CNTN5: variants seen among roughly 807,000 people sequenced by gnomAD.
CNTN5 encodes contactin 5.
In CNTN5, 77 loss-of-function variants were observed where a neutral mutation model predicts 129.1. The observed-to-expected ratio is 0.60, with a 90% CI of 0.50 to 0.72. The LOEUF is 0.72. Ranked by LOEUF, CNTN5 falls within the 30% of genes least tolerant of loss-of-function variation. The pLI is 0.00. For missense variants in CNTN5, 1,478 were observed against 1,328.8 expected, an observed-to-expected ratio of 1.11 and a Z score of -1.75; for synonymous variants, 509 against 465.6, an observed-to-expected ratio of 1.09 and a Z score of -1.20.
rs11284734 is a variant in CNTN5, at chr11:99,608,100, T to TAA, written c.55+51845_55+51846dup. On this transcript the variant is annotated intron_variant, in intron 3 of 24. Coordinates refer to ENST00000524871, the MANE Select transcript of CNTN5 (RefSeq NM_014361.4). Reference sequence around the variant, plus strand: ...ATGTACCCTAAAACTTAGAGTATAATAAAAAAAAAAAAAAATCACAGTGTT... The same window carrying TAA: ...ATGTACCCTAAAACTTAGAGTATAATAAAAAAAAAAAAAAAAATCACAGTGTT... 2.8e-3 allele frequency among the ~76,000 whole-genome samples: 407 copies of TAA among 147,562 alleles called. 3 individuals are homozygous for TAA. Among genetic ancestry groups the TAA allele is most frequent in the African/African-American group, 9.7e-3 (384 of 39,600 alleles).
At chr11:99,408,540 C>A (rs67337210) in intron 2 of CNTN5, among the ~76,000 whole-genome samples, 49,550 of 150,490 alleles carry the variant, frequency 0.33, 8,356 homozygotes, top group East Asian at 0.5. Context: ...CAATATGTTG[C>A]CTGGGCTGAC....
chr11:100,340,773 C>T, intron 22 of CNTN5, 124 bp downstream of exon 22: 4 of 851,950 alleles, frequency 4.7e-6, no homozygotes, highest in Non-Finnish European at 7.1e-6. Context: ...AGTCTTGCTT[C>T]AGTGCTTAGA....
chr11:99,944,782 A>T (rs1212801879), intron 7 of CNTN5, among the ~76,000 whole-genome samples: 1 of 152,108 alleles, frequency 6.6e-6, no homozygotes, highest in African/African-American at 2.4e-5. Flanking sequence ...AAGAGAATAC[A>T]TACCTAGGAA....
At chr11:99,925,821 T>C (rs1331455210) in intron 7 of CNTN5, among the ~76,000 whole-genome samples, 1 of 151,950 alleles carries the variant, frequency 6.6e-6, no homozygotes, top group African/African-American at 2.4e-5. Context: ...AGATAAGATA[T>C]AAGTAAACAA....
At chr11:99,229,805 C>G (rs990119872) in intron 1 of CNTN5, among the ~76,000 whole-genome samples, 41 of 152,078 alleles carry the variant, frequency 2.7e-4, no homozygotes, top group African/African-American at 9.9e-4. Context: ...AACTTTCTGG[C>G]CTTAATAGTC....
At chr11:100,325,438 T>A (rs1449873374) in intron 21 of CNTN5, among the ~76,000 whole-genome samples, 2 of 152,154 alleles carry the variant, frequency 1.3e-5, no homozygotes, top group Non-Finnish European at 2.9e-5. Flanking sequence ...AAGACAGTCC[T>A]CACTGCAATC....
At chr11:99,735,719 A>G (rs1399014092) in intron 3 of CNTN5, among the ~76,000 whole-genome samples, 1 of 152,160 alleles carries the variant, frequency 6.6e-6, no homozygotes, top group African/African-American at 2.4e-5. Context: ...AACTTGATGT[A>G]TTGATATATA....
chr11:99,548,738 G>A (rs1042757759), intron 2 of CNTN5, among the ~76,000 whole-genome samples: 24 of 152,086 alleles, frequency 1.6e-4, no homozygotes, highest in African/African-American at 5.8e-4. Context: ...ATGCGAGTCT[G>A]GTTTTCCTAC....
At chr11:99,965,886 A>G (rs763332556) in intron 8 of CNTN5, among the ~76,000 whole-genome samples, 1 of 152,202 alleles carries the variant, frequency 6.6e-6, no homozygotes, top group Non-Finnish European at 1.5e-5. Context: ...AAGTACGTTC[A>G]TAAGAAGGAC....
intron 2 of CNTN5, among the ~76,000 whole-genome samples, chr11:99,400,559 T>C (rs1941750881): frequency 1.3e-5 from 2 of 152,138 alleles, no homozygotes; most frequent in Non-Finnish European, 2.9e-5. Context: ...AGATATCTCT[T>C]CCACGAACTG....
intron 6 of CNTN5, among the ~76,000 whole-genome samples, chr11:99,890,525 C>T (rs921079156): frequency 2.0e-5 from 3 of 151,534 alleles, no homozygotes; most frequent in Non-Finnish European, 4.4e-5. Flanking sequence ...ATGACTGAAA[C>T]ATACATGTAT....
intron 7 of CNTN5, among the ~76,000 whole-genome samples, chr11:99,927,395 A>ATATTG (rs1950086771): frequency 1.3e-5 from 2 of 152,068 alleles, no homozygotes; most frequent in Non-Finnish European, 1.5e-5. Flanking sequence ...CACATTCAGT[A>ATATTG]TATTGTATTG....
At chr11:99,360,473 A>G (rs1939030560) in intron 2 of CNTN5, among the ~76,000 whole-genome samples, 1 of 152,142 alleles carries the variant, frequency 6.6e-6, no homozygotes, top group Admixed American at 6.5e-5. Context: ...GCCATTTCTT[A>G]TAATTCATAT....
intron 18 of CNTN5, among the ~76,000 whole-genome samples, chr11:100,285,805 C>A (rs927718297): frequency 5.3e-5 from 8 of 152,166 alleles, no homozygotes; most frequent in African/African-American, 9.7e-5. Context: ...GCGTGAGCGA[C>A]GCAGAAGACG....
At chr11:99,880,139 T>C (rs1948734335) in intron 6 of CNTN5, among the ~76,000 whole-genome samples, 1 of 152,188 alleles carries the variant, frequency 6.6e-6, no homozygotes, top group Non-Finnish European at 1.5e-5. Flanking sequence ...ATAGCGTGTG[T>C]TCATTAATAT....
intron 13 of CNTN5, among the ~76,000 whole-genome samples, chr11:100,169,049 C>T (rs975616730): frequency 5.3e-5 from 8 of 151,886 alleles, no homozygotes; most frequent in African/African-American, 1.9e-4. Flanking sequence ...TTCCTGCAAT[C>T]TCATGATAAA....
intron 13 of CNTN5, among the ~76,000 whole-genome samples, chr11:100,162,540 A>G (rs1449415079): frequency 6.6e-6 from 1 of 151,838 alleles, no homozygotes; most frequent in Non-Finnish European, 1.5e-5. Context: ...TTTTGATACA[A>G]TTCCTCCAAG....
chr11:99,032,584 C>A (rs1255531537), intron 1 of CNTN5, among the ~76,000 whole-genome samples: 1 of 152,134 alleles, frequency 6.6e-6, no homozygotes, highest in Non-Finnish European at 1.5e-5. Context: ...AGTGCCTGTT[C>A]ATGTCCTTCA....
At chr11:99,668,840 A>G (rs908829919) in intron 3 of CNTN5, among the ~76,000 whole-genome samples, 9 of 152,144 alleles carry the variant, frequency 5.9e-5, no homozygotes, top group Non-Finnish European at 1.0e-4. Context: ...AAGTTGAGGA[A>G]TAACTATTTA....
Sources: gnomAD v4.1 joint callset for allele counts (sites outside exome capture counted in the v4.1 genomes callset) on GRCh38, gnomAD v4.1.1 for gene constraint, MANE v1.5 for transcripts, NCBI Gene and HGNC (gene_info 2026-07-23, HGNC 2026-07-21) for gene names.